HEG1: variants seen among roughly 807,000 people sequenced by gnomAD.
The protein encoded by HEG1 is heart development protein with EGF like domains 1.
In HEG1, 56 loss-of-function variants were observed where a neutral mutation model predicts 125.6. The ratio of observed to expected loss-of-function variants is 0.45; its 90% CI spans 0.36 to 0.56. The LOEUF (loss-of-function observed/expected upper bound fraction) is 0.56, where lower values mean the gene tolerates loss of function less well. Ranked by LOEUF, HEG1 falls within the 20% of genes least tolerant of loss-of-function variation. The probability of loss-of-function intolerance (pLI) is 0.00; values close to 1 mark genes in which losing one functional copy is unlikely to be tolerated. For missense variants in HEG1, 1,523 were observed against 1,670.0 expected (o/e 0.91, Z 1.53); for synonymous variants, 644 against 668.5 (o/e 0.96, Z 0.57).
At chr3:124,999,118 G>A (rs1936965482) in intron 11 of HEG1, among the ~76,000 whole-genome samples, 1 of 152,176 alleles carries the variant, frequency 6.6e-6, no homozygotes, top group South Asian at 2.1e-4. Context: ...CCTTTTGTGA[G>A]TCCTGAGAAC....
At chr3:124,975,269 T>C (rs1406598243) in intron 15 of HEG1, among the ~76,000 whole-genome samples, 2 of 152,216 alleles carry the variant, frequency 1.3e-5, no homozygotes, top group African/African-American at 2.4e-5. Context: ...TAACTAGCTA[T>C]TTTGGGAGGT....
Position 125,013,765 on chromosome 3 carries a change from T to C in HEG1, c.1814A>G (p.Gln605Arg). 1.2e-6 allele frequency: 2 copies of C among 1,613,932 alleles called. No homozygotes were observed. The highest frequency in any genetic ancestry group is 1.1e-5 in the South Asian group (1 of 91,080). Reference protein sequence around the residue: ...HSEYSSFFHAQTERSNISSYD... With the variant: ...HSEYSSFFHARTERSNISSYD... ...GGATGAGATGTTACTTCTCTCAGTCTGAGCATGAAAAAAGGAGGAATACTC... is the reference window on the plus strand; with the variant it reads ...GGATGAGATGTTACTTCTCTCAGTCCGAGCATGAAAAAAGGAGGAATACTC... Residue 605 changes from glutamine to arginine, a missense_variant, in exon 6 of 17, where the codon CAG (glutamine) becomes CGG (arginine). Physicochemically the swap from Gln to Arg is conservative, Grantham distance 43. Transcript: ENST00000311127.
At chr3:124,987,099 G>C (rs1014928312) in intron 14 of HEG1, among the ~76,000 whole-genome samples, 4 of 152,112 alleles carry the variant, frequency 2.6e-5, no homozygotes, top group Admixed American at 2.6e-4. Context: ...TAACACTTTG[G>C]GAGACCAACG....
intron 14 of HEG1, among the ~76,000 whole-genome samples, chr3:124,980,707 CG>C (rs1223136167): frequency 6.6e-6 from 1 of 152,000 alleles, no homozygotes; most frequent in East Asian, 1.9e-4. Context: ...TTAGTAGAGA[CG>C]GGGTTTCGCT....
At chr3:125,053,469 G>GGT (rs1321452471) in intron 1 of HEG1, among the ~76,000 whole-genome samples, 6 of 152,172 alleles carry the variant, frequency 3.9e-5, no homozygotes, top group African/African-American at 1.4e-4. Context: ...AGCTTCAACA[G>GGT]GTGTTCATTT....
At chr3:125,004,071 T>C (rs1937037015) in intron 9 of HEG1, among the ~76,000 whole-genome samples, 1 of 152,200 alleles carries the variant, frequency 6.6e-6, no homozygotes, top group African/African-American at 2.4e-5. Context: ...GGCAATGTCA[T>C]TCACTTCCAG....
intron 5 of HEG1, among the ~76,000 whole-genome samples, chr3:125,015,898 G>A (rs570025570): frequency 9.5e-4 from 144 of 152,326 alleles, no homozygotes; most frequent in Non-Finnish European, 1.8e-3. Flanking sequence ...ATGGAAAACA[G>A]TGTAAAGCTG....
chr3:124,977,228 G>A (rs558989642), intron 15 of HEG1, among the ~76,000 whole-genome samples: 1 of 152,298 alleles, frequency 6.6e-6, no homozygotes, highest in South Asian at 2.1e-4. Flanking sequence ...GGAACTGTAA[G>A]TCCATTAAAC....
intron 12 of HEG1, among the ~76,000 whole-genome samples, chr3:124,994,674 T>C (rs551645101): frequency 6.6e-6 from 1 of 152,192 alleles, no homozygotes; most frequent in South Asian, 2.1e-4. Context: ...CCCAGCTAAT[T>C]TTTGTATTTT....
At chr3:125,003,778 G>A (rs1004566348) in intron 9 of HEG1, among the ~76,000 whole-genome samples, 10 of 152,216 alleles carry the variant, frequency 6.6e-5, no homozygotes, top group African/African-American at 2.4e-4. Context: ...TTAACACTGT[G>A]CATGACTCCT....
At chr3:125,040,340 G>A (rs1937584110) in intron 1 of HEG1, among the ~76,000 whole-genome samples, 1 of 152,186 alleles carries the variant, frequency 6.6e-6, no homozygotes, top group South Asian at 2.1e-4. Context: ...GATGACAAGG[G>A]AAGGATAGGA....
intron 1 of HEG1, among the ~76,000 whole-genome samples, chr3:125,039,379 T>C (rs1937573937): frequency 6.6e-6 from 1 of 152,146 alleles, no homozygotes; most frequent in Admixed American, 6.5e-5. Context: ...GCATTGTTTC[T>C]GAGCAGTGGA....
intron 11 of HEG1, among the ~76,000 whole-genome samples, chr3:125,000,197 C>G (rs946022205): frequency 6.6e-6 from 1 of 152,168 alleles, no homozygotes; most frequent in Non-Finnish European, 1.5e-5. Flanking sequence ...ATAGGAACTT[C>G]AGCAAGGCAG....
At position 125,032,047 on chromosome 3, in the gene HEG1, T is replaced by C. The variant is rs1354553711; in HGVS notation, c.317-2559A>G. ...TCAATATGTAACTGATATAAAAATATTGAGATATTTTATATTCTTTTTTTG... is the reference window on the plus strand; with the variant it reads ...TCAATATGTAACTGATATAAAAATACTGAGATATTTTATATTCTTTTTTTG... On this transcript the variant is annotated intron_variant, in intron 1 of 16. Transcript: ENST00000311127. Among the ~76,000 whole-genome samples the C allele has an allele frequency of 2.0e-5, 3 of 152,376 alleles. No homozygotes were observed. The East Asian group carries it at 5.8e-4, about 29-fold the overall frequency.
chr3:124,971,659 T>C (rs1045349218), intron 16 of HEG1, among the ~76,000 whole-genome samples: 9 of 152,030 alleles, frequency 5.9e-5, no homozygotes, highest in African/African-American at 2.2e-4. Context: ...GCCCAGCTAA[T>C]TTTTGTATTT....
chr3:124,993,154 TC>T (rs1348132757), intron 12 of HEG1, among the ~76,000 whole-genome samples: 1 of 152,196 alleles, frequency 6.6e-6, no homozygotes, highest in Non-Finnish European at 1.5e-5. Context: ...TCCGGGAACC[TC>T]AGCACTTAAG....
intron 16 of HEG1, chr3:124,971,062 C>T: frequency 1.8e-6 from 1 of 564,624 alleles, no homozygotes; most frequent in African/African-American, 1.9e-5. Flanking sequence ...GTCCTACGAC[C>T]ATCTAGTTGC....
intron 3 of HEG1, among the ~76,000 whole-genome samples, chr3:125,024,237 A>T (rs1392239266): frequency 6.6e-6 from 1 of 152,222 alleles, no homozygotes; most frequent in East Asian, 1.9e-4. Context: ...AACATTTCTT[A>T]TATAAACAGT....
intron 1 of HEG1, among the ~76,000 whole-genome samples, chr3:125,041,178 A>G (rs1937591175): frequency 6.6e-6 from 1 of 152,144 alleles, no homozygotes; most frequent in Admixed American, 6.5e-5. Flanking sequence ...GGCGTGTGGC[A>G]AGCTCTACTG....
Sources: gnomAD v4.1 joint callset for allele counts (sites outside exome capture counted in the v4.1 genomes callset) on GRCh38, gnomAD v4.1.1 for gene constraint, MANE v1.5 for transcripts, NCBI Gene and HGNC (gene_info 2026-07-23, HGNC 2026-07-21) for gene names.